NXPE1: variants seen among roughly 807,000 people sequenced by gnomAD.
NXPE1 encodes neurexophilin and PC-esterase domain family member 1.
Under a neutral mutation model 33.3 loss-of-function variants are expected in NXPE1, and 31 were observed. That is an observed-to-expected ratio of 0.93 (90% CI 0.70 to 1.26). The LOEUF (loss-of-function observed/expected upper bound fraction) is 1.26. Ranked by LOEUF, NXPE1 falls within the 50% of genes most tolerant of loss-of-function variation. The probability of loss-of-function intolerance (pLI) is 0.00; values close to 1 mark genes in which losing one functional copy is unlikely to be tolerated. For synonymous variants in NXPE1, 229 were observed against 231.4 expected, an observed-to-expected ratio of 0.99 and a Z score of 0.09; for missense variants, 661 against 655.6, an observed-to-expected ratio of 1.01 and a Z score of -0.09.
chr11:114,534,100 G>A (rs758343956), intron 5 of NXPE1, among the ~76,000 whole-genome samples: 5 of 152,186 alleles, frequency 3.3e-5, no homozygotes, highest in Admixed American at 1.3e-4. Flanking sequence ...CCAGAGGAAC[G>A]ATCAGGCAGC....
intron 5 of NXPE1, among the ~76,000 whole-genome samples, chr11:114,544,262 C>G (rs990826784): frequency 6.6e-6 from 1 of 151,976 alleles, no homozygotes; most frequent in Non-Finnish European, 1.5e-5. Flanking sequence ...GGTAAAGGAA[C>G]CAAAATAACT....
chr11:114,527,647 T>G (rs1043734107), intron 7 of NXPE1, among the ~76,000 whole-genome samples, 193 bp downstream of exon 7: 5 of 152,338 alleles, frequency 3.3e-5, no homozygotes, highest in Non-Finnish European at 5.9e-5. Flanking sequence ...TCCTTTTGGA[T>G]ATATCAAGAT....
At chr11:114,548,754 GAA>G (rs1452825804) in intron 5 of NXPE1, among the ~76,000 whole-genome samples, 1 of 151,660 alleles carries the variant, frequency 6.6e-6, no homozygotes, top group Non-Finnish European at 1.5e-5. Flanking sequence ...TTAGAAAAAG[GAA>G]AACAGAGTAA....
Position 114,523,184 on chromosome 11 carries a change from C to T in NXPE1, c.896-93G>A, listed in dbSNP as rs572571690. ...CTTTCATTTTCTTGCTCTCTTTCCC[C>T]CTTCCTGTAATGCCTATTTCCTTTT... On this transcript the variant is annotated intron_variant, in intron 7 of 8. Transcript: ENST00000534921. 3.8e-4 allele frequency: 340 copies of T among 888,808 alleles called. 5 individuals carry two copies. The South Asian group carries it at 5.0e-3, about 13-fold the overall frequency. 55.1% of individuals were successfully genotyped at this position (888,808 alleles called of 1,614,324 possible). A position where few individuals can be genotyped will look rare whatever the true frequency, so the allele number is the denominator to read the frequency against.
chr11:114,528,440 C>G (rs1947449249), intron 6 of NXPE1, among the ~76,000 whole-genome samples: 1 of 152,158 alleles, frequency 6.6e-6, no homozygotes, highest in Non-Finnish European at 1.5e-5. Context: ...CAGAGGGCCT[C>G]TGCTTCATTT....
At chr11:114,549,694 C>T (rs562067388) in intron 5 of NXPE1, among the ~76,000 whole-genome samples, 2 of 152,156 alleles carry the variant, frequency 1.3e-5, no homozygotes, top group South Asian at 2.1e-4. Context: ...CCTACTATCT[C>T]ATTACTTTCA....
chr11:114,542,466 C>T (rs1331686806), intron 5 of NXPE1, among the ~76,000 whole-genome samples: 2 of 152,014 alleles, frequency 1.3e-5, no homozygotes, highest in African/African-American at 4.8e-5. Flanking sequence ...TATTTATTTA[C>T]AGAAATAAGT....
At chr11:114,531,818 C>A (rs1947594650) in intron 5 of NXPE1, among the ~76,000 whole-genome samples, 4 of 152,192 alleles carry the variant, frequency 2.6e-5, no homozygotes, top group Admixed American at 2.6e-4. Context: ...ATCACTACAA[C>A]CTCAGAGGTC....
intron 1 of NXPE1, among the ~76,000 whole-genome samples, chr11:114,555,458 C>T (rs1459765802): frequency 6.6e-6 from 1 of 152,162 alleles, no homozygotes; most frequent in Non-Finnish European, 1.5e-5. Context: ...ATTTTCTGAC[C>T]TTGTGATCTG....
Position 114,522,641 on chromosome 11 carries a change from C to A in NXPE1, c.1109-138G>T, listed in dbSNP as rs113067291. ...CCTTTCTACTCTCTAGGGTACAGTA[C>A]CCCCAGTTCATACATGTAAAATGTC... is the stretch of plus-strand genomic sequence containing the variant. On this transcript the variant is annotated intron_variant, in intron 8 of 8. Coordinates refer to ENST00000534921, the Ensembl canonical transcript of NXPE1. 2.5e-4 allele frequency: 189 copies of A among 760,508 alleles called. No individual in the cohort carries two copies. The African/African-American group carries it at 2.9e-3, about 12-fold the overall frequency. 47.1% of individuals were successfully genotyped at this position (760,508 alleles called of 1,614,324 possible).
exon 6 of NXPE1, chr11:114,530,659 G>T (rs2134963301): frequency 1.2e-6 from 2 of 1,614,182 alleles, no homozygotes. Context: ...ATGTCCAGCT[G>T]GTCTCCCCTG....
intron 1 of NXPE1, among the ~76,000 whole-genome samples, chr11:114,554,910 T>G (rs2135133305): frequency 6.6e-6 from 1 of 152,332 alleles, no homozygotes; most frequent in Admixed American, 6.5e-5. Flanking sequence ...ATAAGACCAC[T>G]GGCAGGGGAT....
At chr11:114,545,526 A>G (rs944288226) in intron 5 of NXPE1, among the ~76,000 whole-genome samples, 1 of 152,178 alleles carries the variant, frequency 6.6e-6, no homozygotes, top group Non-Finnish European at 1.5e-5. Flanking sequence ...GGTTCTATAG[A>G]GATCAAAAAC....
At chr11:114,522,488 T>A (rs1329519408) in exon 9 of NXPE1, 1 of 1,596,570 alleles carries the variant, frequency 6.3e-7, no homozygotes, top group African/African-American at 1.4e-5. Flanking sequence ...TTCATGAAGA[T>A]CAAAAAACTT....
chr11:114,544,342 C>T (rs1948202904), intron 5 of NXPE1, among the ~76,000 whole-genome samples: 1 of 152,116 alleles, frequency 6.6e-6, no homozygotes, highest in Non-Finnish European at 1.5e-5. Context: ...TACAAAGCTG[C>T]CGTTATCAAG....
intron 5 of NXPE1, among the ~76,000 whole-genome samples, chr11:114,545,948 C>A (rs2135079492): frequency 6.6e-6 from 1 of 152,188 alleles, no homozygotes; most frequent in East Asian, 1.9e-4. Flanking sequence ...CTCGGCCTCC[C>A]AAAGTGCTGG....
rs138338418 is a variant in NXPE1, at chr11:114,541,893, A to G, written c.99+9210T>C. The stretch of plus-strand genomic sequence containing the variant: ...TGCTAAACTGCCTCCCTGCTTCTCA[A>G]TGTTTATCTGTTAGATCAAGTTTAT... On this transcript the variant is annotated intron_variant, in intron 5 of 8. Coordinates refer to ENST00000534921, the Ensembl canonical transcript of NXPE1. 6.6e-5 allele frequency among the ~76,000 whole-genome samples: 10 copies of G among 152,208 alleles called. No homozygotes were observed. In the South Asian group the frequency reaches 1.7e-3, roughly 25 times the overall value.
chr11:114,551,543 T>C, intron 3 of NXPE1, 102 bp from the exon 4 acceptor site: 1 of 337,766 alleles, frequency 3.0e-6, no homozygotes, highest in Non-Finnish European at 4.4e-6. Context: ...AAAACTTAAT[T>C]CATCAGCATG....
intron 5 of NXPE1, among the ~76,000 whole-genome samples, chr11:114,531,784 C>A (rs1269461019): frequency 6.6e-6 from 1 of 152,158 alleles, no homozygotes; most frequent in African/African-American, 2.4e-5. Context: ...ACCACCTAAA[C>A]ATCTCTTAAC....
Sources: gnomAD v4.1 joint callset for allele counts (sites outside exome capture counted in the v4.1 genomes callset) on GRCh38, gnomAD v4.1.1 for gene constraint, MANE v1.5 for transcripts, NCBI Gene and HGNC (gene_info 2026-07-23, HGNC 2026-07-21) for gene names.